DLGAP2: variants seen among roughly 807,000 people sequenced by gnomAD.
DLGAP2 encodes disks large-associated protein 2.
A neutral mutation model predicts 100.3 loss-of-function variants in DLGAP2; 26 were observed. The observed-to-expected ratio is 0.26, with a 90% CI of 0.19 to 0.36. DLGAP2 has a LOEUF of 0.36. Among genes scored for constraint, DLGAP2 ranks in the 10% least tolerant of loss-of-function variants. The pLI is 1.00. For missense variants in DLGAP2, 1,858 were observed against 1,453.2 expected (o/e 1.28, Z -4.53); for synonymous variants, 886 against 630.1 (o/e 1.41, Z -6.08).
chr8:1,615,769 T>C (rs1584997002), intron 6 of DLGAP2, among the ~76,000 whole-genome samples: 3 of 152,326 alleles, frequency 2.0e-5, no homozygotes, highest in East Asian at 3.9e-4. Context: ...GCAGCCATTG[T>C]AAGGTCTTAT....
Position 907,959 on chromosome 8 carries a change from G to C in DLGAP2, c.66G>C (p.Arg22Ser), listed in dbSNP as rs1214527511. ...LQKHCCILPD[R>S]NTESQCTLCG... ...AGCATTGCTGTATCTTACCAGACAG[G>C]AATACAGGTAAATACATTTCATTCT... The change falls in exon 2 of 15, where the codon AGG (arginine) becomes AGC (serine). Residue 22 changes from arginine to serine, a missense_variant. Transcript: ENST00000637795. The C allele has an allele frequency of 2.5e-6, 1 of 398,876 alleles. No individual in the cohort carries two copies. Among genetic ancestry groups the C allele is most frequent in the Non-Finnish European group, 4.4e-6 (1 of 226,052 alleles). The allele number at this position is 398,876 out of a possible 1,614,324, so 24.7% of individuals were successfully genotyped here. A position where few individuals can be genotyped will look rare whatever the true frequency, so the allele number is the denominator to read the frequency against.
Position 1,319,594 on chromosome 8 carries a change from G to C in DLGAP2, c.106+60711G>C, listed in dbSNP as rs1800848485. On this transcript the variant is annotated intron_variant, in intron 3 of 14. Transcript: ENST00000637795. Reference sequence around the variant, plus strand: ...AGCTTGTATTCTCCTAGGAAGGTAGGCTTGCTGGACGTCCATCAGCTGTGA... The same window carrying C: ...AGCTTGTATTCTCCTAGGAAGGTAGCCTTGCTGGACGTCCATCAGCTGTGA... Among the ~76,000 whole-genome samples, 3 of 152,222 alleles carry C rather than the reference G, an allele frequency of 2.0e-5. No homozygotes were observed. In the South Asian group the frequency reaches 6.2e-4, roughly 31 times the overall value.
At chr8:848,858 A>G (rs75926658) in intron 1 of DLGAP2, among the ~76,000 whole-genome samples, 7 of 148,002 alleles carry the variant, frequency 4.7e-5, no homozygotes, top group South Asian at 2.2e-4. Flanking sequence ...GTGTTCCAGC[A>G]TAGGATCGCG....
At chr8:1,356,405 A>G (rs1563102628) in intron 3 of DLGAP2, among the ~76,000 whole-genome samples, 1 of 152,200 alleles carries the variant, frequency 6.6e-6, no homozygotes, top group Non-Finnish European at 1.5e-5. Flanking sequence ...AGAAAAATAA[A>G]ACCATGTGAA....
intron 2 of DLGAP2, among the ~76,000 whole-genome samples, chr8:1,126,204 C>T (rs1796159899): frequency 6.6e-6 from 1 of 152,206 alleles, no homozygotes; most frequent in Non-Finnish European, 1.5e-5. Flanking sequence ...TTGGCAGAGC[C>T]ATGGATTTTC....
chr8:1,338,444 C>G (rs2117075951), intron 3 of DLGAP2, among the ~76,000 whole-genome samples: 1 of 152,292 alleles, frequency 6.6e-6, no homozygotes, highest in African/African-American at 2.4e-5. Flanking sequence ...ACAGGCAAAT[C>G]TGTAGAGACA....
intron 3 of DLGAP2, among the ~76,000 whole-genome samples, chr8:1,335,889 G>A (rs186843801): frequency 2.6e-5 from 4 of 151,744 alleles, no homozygotes; most frequent in East Asian, 3.9e-4. Flanking sequence ...GGGGCTGCGC[G>A]TGGTGACGCG....
chr8:888,703 T>C (rs1259682397), intron 1 of DLGAP2, among the ~76,000 whole-genome samples: 1 of 152,004 alleles, frequency 6.6e-6, no homozygotes, highest in Non-Finnish European at 1.5e-5. Context: ...CTCCTGTGCC[T>C]GGAGATGTCA....
At chr8:1,089,618 C>G (rs969997638) in intron 2 of DLGAP2, among the ~76,000 whole-genome samples, 1 of 152,194 alleles carries the variant, frequency 6.6e-6, no homozygotes, top group Admixed American at 6.5e-5. Flanking sequence ...AGCTGTTTTG[C>G]AAATGTGCTG....
intron 3 of DLGAP2, among the ~76,000 whole-genome samples, chr8:1,344,171 G>A (rs1421723008): frequency 1.3e-4 from 17 of 126,316 alleles, no homozygotes; most frequent in South Asian, 5.8e-4. Flanking sequence ...CTTTGTACTC[G>A]GGGCGCTGTC....
chr8:1,495,331 C>T (rs1371621994), intron 3 of DLGAP2, among the ~76,000 whole-genome samples: 2 of 152,198 alleles, frequency 1.3e-5, no homozygotes, highest in African/African-American at 4.8e-5. Flanking sequence ...ATTGTCTCCA[C>T]TTCCAGGACA....
chr8:1,172,931 T>C (rs545677937), intron 2 of DLGAP2, among the ~76,000 whole-genome samples: 1 of 152,192 alleles, frequency 6.6e-6, no homozygotes, highest in East Asian at 1.9e-4. Context: ...TGAGGAACTG[T>C]GATGCTTTGG....
chr8:1,556,530 C>G (rs1801972386), intron 5 of DLGAP2, among the ~76,000 whole-genome samples: 1 of 152,246 alleles, frequency 6.6e-6, no homozygotes, highest in Non-Finnish European at 1.5e-5. Context: ...GAGTCTGTGT[C>G]TCCTGCCTCA....
intron 6 of DLGAP2, among the ~76,000 whole-genome samples, chr8:1,590,560 C>A (rs1273911073): frequency 6.6e-6 from 1 of 152,184 alleles, no homozygotes; most frequent in East Asian, 1.9e-4. Context: ...GTCTTCAAAT[C>A]AGTTTAGCGA....
At chr8:1,659,695 G>A (rs910016793) in intron 8 of DLGAP2, among the ~76,000 whole-genome samples, 2 of 152,050 alleles carry the variant, frequency 1.3e-5, no homozygotes, top group African/African-American at 4.8e-5. Context: ...CATTTGCTTG[G>A]TTAATATTCC....
At chr8:872,531 C>A (rs907489348) in intron 1 of DLGAP2, among the ~76,000 whole-genome samples, 1 of 151,986 alleles carries the variant, frequency 6.6e-6, no homozygotes, top group African/African-American at 2.4e-5. Flanking sequence ...GGGGTTTCTC[C>A]ATGTTGGCCA....
intron 2 of DLGAP2, among the ~76,000 whole-genome samples, chr8:1,236,987 C>G (rs1798672251): frequency 1.3e-5 from 2 of 151,318 alleles, no homozygotes; most frequent in East Asian, 2.0e-4. Flanking sequence ...GTCTAGTTCT[C>G]TCTCACACAT....
chr8:1,641,425 T>G (rs1276446838), intron 8 of DLGAP2, among the ~76,000 whole-genome samples: 1 of 152,124 alleles, frequency 6.6e-6, no homozygotes, highest in African/African-American at 2.4e-5. Flanking sequence ...AATTACAACA[T>G]GAATGCTGGG....
At chr8:1,477,218 C>G (rs1010451006) in intron 3 of DLGAP2, among the ~76,000 whole-genome samples, 6 of 152,196 alleles carry the variant, frequency 3.9e-5, no homozygotes, top group African/African-American at 1.2e-4. Flanking sequence ...GATGAGAGAT[C>G]CCACCCACCC....
Sources: gnomAD v4.1 joint callset for allele counts (sites outside exome capture counted in the v4.1 genomes callset) on GRCh38, gnomAD v4.1.1 for gene constraint, MANE v1.5 for transcripts, NCBI Gene and HGNC (gene_info 2026-07-23, HGNC 2026-07-21) for gene names.